POM121: variants seen among roughly 807,000 people sequenced by gnomAD.
POM121 encodes nuclear envelope pore membrane protein POM 121.
In POM121, 32 loss-of-function variants were observed where a neutral mutation model predicts 81.3. The ratio of observed to expected loss-of-function variants is 0.39; its 90% confidence interval spans 0.30 to 0.53. POM121 has a LOEUF of 0.53. POM121 is among the 20% of genes least tolerant of loss of function. The pLI is 0.66. For missense variants in POM121, 1,138 were observed against 1,614.6 expected (o/e 0.70, Z 5.06); for synonymous variants, 514 against 694.2 (o/e 0.74, Z 4.08).
At chr7:72,918,114 T>C (rs1794462581) in intron 4 of POM121, among the ~76,000 whole-genome samples, 4 of 152,214 alleles carry the variant, frequency 2.6e-5, no homozygotes. Context: ...GAAGGTGGAC[T>C]AGGAGTGTGA....
At position 72,904,921 on chromosome 7, in the gene POM121, G is replaced by A. The variant is rs782790054; in HGVS notation, c.-215-8844G>A. ...TGCCACTTAAAAACCATCAGATCTCGTGAGAACTCCCTCGCTATCACGAGA... is the reference window on the plus strand; with the variant it reads ...TGCCACTTAAAAACCATCAGATCTCATGAGAACTCCCTCGCTATCACGAGA... On this transcript the variant is annotated intron_variant, in intron 3 of 15. Transcript: ENST00000395270. Among the ~76,000 whole-genome samples, 13 of 152,142 alleles carry A rather than the reference G, an allele frequency of 8.5e-5. No homozygotes were observed. In the East Asian group the frequency reaches 9.6e-4, roughly 11 times the overall value.
intron 3 of POM121, 121 bp from the exon 4 acceptor site, chr7:72,928,264 T>C: frequency 7.4e-7 from 1 of 1,348,420 alleles, no homozygotes; most frequent in East Asian, 2.3e-5. Context: ...AACCATTTTC[T>C]GGTCTATCAT....
At chr7:72,914,615 C>G (rs1554494856) in intron 4 of POM121, among the ~76,000 whole-genome samples, 2 of 151,840 alleles carry the variant, frequency 1.3e-5, no homozygotes, top group Non-Finnish European at 2.9e-5. Context: ...CTCAAGCGAT[C>G]CTCCTACCTC....
chr7:72,888,140 A>T (rs1303157988), intron 1 of POM121, among the ~76,000 whole-genome samples: 2 of 152,202 alleles, frequency 1.3e-5, no homozygotes, highest in Non-Finnish European at 2.9e-5. Flanking sequence ...CTGGGATTAC[A>T]GGCATGAGCC....
chr7:72,945,683 A>C lies in POM121; in HGVS notation c.3627A>C (p.Gln1209His). ...LSFGASSAPA[Q>H]GFVGVAPFGS... ...TTGGGGCATCCTCAGCACCCGCCCA[A>C]GGCTTTGTTGGTGTTGCACCTTTCG... The change falls in exon 12 of 13, where the codon CAA (glutamine) becomes CAC (histidine). Residue 1209 changes from glutamine (Q) to histidine (H), a missense_variant. Around this residue, in one of 7 missense-constraint regions of POM121, gnomAD observed 336 missense variants for 344.3 expected, o/e 0.98. Coordinates refer to ENST00000434423, the MANE Select transcript of POM121 (RefSeq NM_001387691.1). 3.1e-6 allele frequency: 5 copies of C among 1,611,898 alleles called. No homozygotes were observed. The highest frequency in any genetic ancestry group is 4.2e-6 in the Non-Finnish European group (5 of 1,178,998).
chr7:72,881,012 T>G lies in POM121; in HGVS notation c.-521+1127T>G, dbSNP rs6968405. On this transcript the variant is annotated intron_variant, in intron 1 of 15. Transcript: ENST00000395270. Reference sequence around the variant, plus strand: ...GTGCTACCCATGAGAGTCTAACTCATCTAATTACTACCTGATTATCTTAGA... The same window carrying G: ...GTGCTACCCATGAGAGTCTAACTCAGCTAATTACTACCTGATTATCTTAGA... 4.4e-5 allele frequency among the ~76,000 whole-genome samples: 4 copies of G among 90,664 alleles called. 1 individual carries two copies. Among genetic ancestry groups the G allele is most frequent in the Admixed American group, 2.5e-4 (2 of 8,094 alleles). The allele number at this position is 90,664 out of a possible 152,430, so 59.5% of individuals were successfully genotyped here.
chr7:72,902,255 C>CT (rs1210238081), intron 3 of POM121, among the ~76,000 whole-genome samples: 2,116 of 126,586 alleles, frequency 0.017, 41 homozygotes, highest in East Asian at 0.031. Flanking sequence ...CTTTTTCTTT[C>CT]TTTTTTTTTT....
upstream of POM121, among the ~76,000 whole-genome samples, chr7:72,923,374 A>G (rs1173094912): frequency 1.3e-5 from 2 of 151,104 alleles, no homozygotes; most frequent in Non-Finnish European, 2.9e-5. Flanking sequence ...AACCTGCCAG[A>G]CCTCTCAGCT....
chr7:72,890,415 A>G (rs566693521), intron 1 of POM121, among the ~76,000 whole-genome samples: 27 of 152,224 alleles, frequency 1.8e-4, no homozygotes, highest in African/African-American at 6.3e-4. Context: ...CAGTTGCAAA[A>G]TAGGAGCTCA....
chr7:72,886,238 A>G (rs576340960), intron 1 of POM121, among the ~76,000 whole-genome samples: 14 of 152,164 alleles, frequency 9.2e-5, no homozygotes, highest in African/African-American at 2.4e-4. Context: ...CAGGGGTGCT[A>G]TCTTGGCCCA....
At chr7:72,926,653 G>T in intron 2 of POM121, 149 bp from the exon 3 acceptor site, 1 of 1,471,326 alleles carries the variant, frequency 6.8e-7, no homozygotes, top group East Asian at 2.3e-5. Context: ...TAACGAAAAA[G>T]TAGCTTTACT....
chr7:72,935,091 ACTGAT>A (rs1796386800), intron 5 of POM121, among the ~76,000 whole-genome samples: 2 of 151,706 alleles, frequency 1.3e-5, no homozygotes, highest in African/African-American at 4.8e-5. Context: ...CCTTTCATCT[ACTGAT>A]TACTTTGGAT....
At chr7:72,949,373 A>G (rs1797923613), downstream of POM121, 1 of 880,944 alleles carries the variant, frequency 1.1e-6, no homozygotes, top group Non-Finnish European at 2.0e-6. Flanking sequence ...CGCGGATCTA[A>G]GGGGGAGACC....
intron 11 of POM121, among the ~76,000 whole-genome samples, chr7:72,944,187 C>A (rs1256871221): frequency 2.6e-5 from 4 of 151,900 alleles, no homozygotes; most frequent in Admixed American, 2.6e-4. Flanking sequence ...GGCAGGAGGG[C>A]AGGAGCTAAA....
At chr7:72,945,401 G>C (rs1554502895) in intron 11 of POM121, among the ~76,000 whole-genome samples, 185 bp from the exon 12 acceptor site, 1 of 152,020 alleles carries the variant, frequency 6.6e-6, no homozygotes, top group African/African-American at 2.4e-5. Flanking sequence ...GAAGCAGGCT[G>C]AGCTGGGGCA....
intron 5 of POM121, among the ~76,000 whole-genome samples, chr7:72,936,867 G>A (rs1287093168): frequency 6.6e-6 from 1 of 152,074 alleles, no homozygotes; most frequent in South Asian, 2.1e-4. Flanking sequence ...AGGCTGGTCC[G>A]AAACTCCTGG....
upstream of POM121, among the ~76,000 whole-genome samples, chr7:72,921,461 C>T (rs532109989): frequency 3.9e-5 from 6 of 152,288 alleles, no homozygotes; most frequent in Admixed American, 6.5e-5. Flanking sequence ...CTCCTCAGCC[C>T]GGTGGGATCT....
At chr7:72,938,103 C>A (rs1374219798) in intron 5 of POM121, among the ~76,000 whole-genome samples, 1 of 152,158 alleles carries the variant, frequency 6.6e-6, no homozygotes, top group Non-Finnish European at 1.5e-5. Context: ...TGTGTCCATC[C>A]CTTCTACCTT....
chr7:72,893,234 C>T (rs1165749313), intron 3 of POM121, among the ~76,000 whole-genome samples: 1 of 151,802 alleles, frequency 6.6e-6, no homozygotes, highest in Non-Finnish European at 1.5e-5. Flanking sequence ...GCTGGGATTA[C>T]AGGCGTGAGC....
Sources: allele counts gnomAD v4.1 joint callset (sites outside exome capture counted in the v4.1 genomes callset), GRCh38; gene constraint gnomAD v4.1.1; regional missense constraint gnomAD v4.1.1; transcripts MANE v1.5; gene names NCBI Gene and HGNC (gene_info 2026-07-23, HGNC 2026-07-21).